Variants in GABRR2 observed in about 807,000 individuals in gnomAD.
GABRR2 encodes the protein gamma-aminobutyric acid receptor subunit rho-2.
In GABRR2, 36 loss-of-function variants were observed where a neutral mutation model predicts 47.0. The ratio of observed to expected loss-of-function variants is 0.77; its 90% CI spans 0.59 to 1.01. The LOEUF (loss-of-function observed/expected upper bound fraction) is 1.01, where lower values mean the gene tolerates loss of function less well. Ranked by LOEUF, GABRR2 falls within the 50% of genes least tolerant of loss-of-function variation. The probability of loss-of-function intolerance (pLI) is 0.00; values close to 1 mark genes in which losing one functional copy is unlikely to be tolerated. For missense variants in GABRR2, 587 were observed against 594.6 expected (o/e 0.99, Z 0.13); for synonymous variants, 204 against 227.5 (o/e 0.90, Z 0.93).
rs568230380 is a variant in GABRR2, at chr6:89,302,790, G to C, written c.114-2925C>G. The C allele has an allele frequency of 1.5e-5, 21 of 1,442,924 alleles. 1 individual carries two copies. The South Asian group carries it at 2.4e-4, about 16-fold the overall frequency. 89.4% of individuals were successfully genotyped at this position (1,442,924 alleles called of 1,614,324 possible). A position where few individuals can be genotyped will look rare whatever the true frequency, so the allele number is the denominator to read the frequency against. Reference sequence around the variant, plus strand: ...GAGCAAGAACAGCAGCTACTTCGTGGAGTGGATCCCCAACAACATGAAGGT... The same window carrying C: ...GAGCAAGAACAGCAGCTACTTCGTGCAGTGGATCCCCAACAACATGAAGGT... On this transcript the variant is annotated intron_variant, in intron 1 of 8. Transcript: ENST00000402938.
At chr6:89,275,186 A>T (rs1774135996) in intron 2 of GABRR2, among the ~76,000 whole-genome samples, 1 of 152,250 alleles carries the variant, frequency 6.6e-6, no homozygotes, top group African/African-American at 2.4e-5. Context: ...TAGAAAATCA[A>T]TCAAGGAATT....
In GABRR2 at chr6:89,281,561, G is replaced by A. The variant is rs150686234; in HGVS notation, c.221-9839C>T. Among the ~76,000 whole-genome samples the A allele has an allele frequency of 1.9e-3, 288 of 151,438 alleles. 1 individual carries two copies. Among genetic ancestry groups the A allele is most frequent in the African/African-American group, 6.6e-3 (271 of 41,310 alleles). On this transcript the variant is annotated intron_variant, in intron 2 of 8. Transcript: ENST00000402938. ...TCCCCCACACTTCTCAGATGTGCAC[G>A]TTTTTTTTTAAAGGCAGTTTCTTTG...
At chr6:89,275,626 G>C (rs982560006) in intron 2 of GABRR2, among the ~76,000 whole-genome samples, 1 of 152,196 alleles carries the variant, frequency 6.6e-6, no homozygotes, top group Non-Finnish European at 1.5e-5. Context: ...AGGATTGGGG[G>C]TCTAGGTGAA....
intron 8 of GABRR2, among the ~76,000 whole-genome samples, chr6:89,261,011 G>C (rs1413762724): frequency 6.6e-6 from 1 of 152,226 alleles, no homozygotes; most frequent in Non-Finnish European, 1.5e-5. Context: ...TTCTCACACA[G>C]ACAGAGGGGG....
intron 1 of GABRR2, chr6:89,302,106 G>T: frequency 1.6e-6 from 1 of 624,876 alleles, no homozygotes; most frequent in Non-Finnish European, 3.0e-6. Context: ...TACACGGAGG[G>T]TGCGGAGCTG....
chr6:89,301,284 T>G (rs1441064473), intron 1 of GABRR2, among the ~76,000 whole-genome samples: 1 of 151,918 alleles, frequency 6.6e-6, no homozygotes, highest in Non-Finnish European at 1.5e-5. Context: ...AATGGGCAAA[T>G]GCTGGAAACA....
intron 4 of GABRR2, 67 bp downstream of exon 4, chr6:89,268,944 C>T (rs1343293325): frequency 2.1e-6 from 3 of 1,440,570 alleles, no homozygotes; most frequent in South Asian, 1.2e-5. Flanking sequence ...GTCTTCAGGG[C>T]CAAAGGGCCT....
At chr6:89,301,191 T>TCCA (rs1767425285) in intron 1 of GABRR2, among the ~76,000 whole-genome samples, 1 of 151,640 alleles carries the variant, frequency 6.6e-6, no homozygotes, top group Admixed American at 6.6e-5. Flanking sequence ...TCAACACTCC[T>TCCA]TATTAAAAAC....
Position 89,296,596 on chromosome 6 carries a change from C to T in GABRR2, c.220+3163G>A, listed in dbSNP as rs1276239519. 6.6e-5 allele frequency among the ~76,000 whole-genome samples: 10 copies of T among 152,164 alleles called. No individual in the cohort carries two copies. In the East Asian group the frequency reaches 1.9e-3, roughly 29 times the overall value. On this transcript the variant is annotated intron_variant, in intron 2 of 8. Coordinates refer to ENST00000402938, the MANE Select transcript of GABRR2 (RefSeq NM_002043.5). Reference sequence around the variant, plus strand: ...AGCTTCCCCAAAGTCAGAGCCCTCCCCAGGGTCAGAAGCTTACCCAGGCAG... The same window carrying T: ...AGCTTCCCCAAAGTCAGAGCCCTCCTCAGGGTCAGAAGCTTACCCAGGCAG...
At chr6:89,259,728 T>C (rs1372000418) in intron 8 of GABRR2, among the ~76,000 whole-genome samples, 2 of 152,052 alleles carry the variant, frequency 1.3e-5, no homozygotes, top group Non-Finnish European at 2.9e-5. Context: ...GGTCTCGAAC[T>C]CCTGACCTCA....
chr6:89,267,989 A>G, intron 5 of GABRR2, 25 bp downstream of exon 5: 10 of 1,603,060 alleles, frequency 6.2e-6, no homozygotes, highest in Non-Finnish European at 8.5e-6. Context: ...AAGAAAGTGA[A>G]GGAATTAGGA....
chr6:89,294,154 C>T (rs1191291811), intron 2 of GABRR2, among the ~76,000 whole-genome samples: 2 of 151,734 alleles, frequency 1.3e-5, no homozygotes, highest in African/African-American at 4.8e-5. Context: ...GATAATTTTT[C>T]GTTGTTTTTG....
At chr6:89,275,789 C>T (rs1774148467) in intron 2 of GABRR2, among the ~76,000 whole-genome samples, 1 of 152,108 alleles carries the variant, frequency 6.6e-6, no homozygotes, top group African/African-American at 2.4e-5. Flanking sequence ...TTTAGTGGAG[C>T]TTCGTACTTC....
At chr6:89,262,958 G>A (rs1773783562) in intron 8 of GABRR2, among the ~76,000 whole-genome samples, 1 of 152,202 alleles carries the variant, frequency 6.6e-6, no homozygotes, top group Admixed American at 6.5e-5. Flanking sequence ...ATAAGAGTCT[G>A]ACTATGAATG....
chr6:89,293,198 A>G (rs1774500224), intron 2 of GABRR2, among the ~76,000 whole-genome samples: 1 of 152,210 alleles, frequency 6.6e-6, no homozygotes, highest in Admixed American at 6.6e-5. Flanking sequence ...CCAGTCATAA[A>G]AGCCACTCAA....
intron 8 of GABRR2, among the ~76,000 whole-genome samples, chr6:89,260,995 T>C (rs1172662152): frequency 6.6e-6 from 1 of 152,258 alleles, no homozygotes; most frequent in East Asian, 1.9e-4. Context: ...CACCTCAGGA[T>C]GTCTGTTCTC....
intron 6 of GABRR2, among the ~76,000 whole-genome samples, chr6:89,267,376 G>A (rs913302590): frequency 2.6e-5 from 4 of 151,964 alleles, no homozygotes; most frequent in African/African-American, 9.7e-5. Flanking sequence ...GACCAGCTTG[G>A]GCAACATAGT....
intron 8 of GABRR2, among the ~76,000 whole-genome samples, chr6:89,263,626 G>A (rs1011094649): frequency 2.0e-5 from 3 of 152,182 alleles, no homozygotes; most frequent in Non-Finnish European, 4.4e-5. Flanking sequence ...GGGTTCAAGC[G>A]ATTCTCTTGC....
intron 1 of GABRR2, chr6:89,301,792 A>ATCC (rs1045776834): frequency 1.2e-6 from 1 of 820,732 alleles, no homozygotes; most frequent in African/African-American, 1.7e-5. Flanking sequence ...TATGAGGGAG[A>ATCC]TCCTGCACAT....
Sources: gnomAD v4.1 joint callset for allele counts (sites outside exome capture counted in the v4.1 genomes callset) on GRCh38, gnomAD v4.1.1 for gene constraint, MANE v1.5 for transcripts, NCBI Gene and HGNC (gene_info 2026-07-23, HGNC 2026-07-21) for gene names.